Variants in FAT3 observed in about 807,000 individuals in gnomAD.
The protein encoded by FAT3 is protocadherin Fat 3.
A neutral mutation model predicts 310.2 loss-of-function variants in FAT3; 95 were observed. The observed-to-expected ratio is 0.31, with a 90% CI of 0.26 to 0.36. The LOEUF (loss-of-function observed/expected upper bound fraction) is 0.36, where lower values mean the gene tolerates loss of function less well. FAT3 is among the 10% of genes least tolerant of loss of function. FAT3 has a pLI of 1.00. For missense variants in FAT3, 5,408 were observed against 5,715.6 expected (o/e 0.95, Z 1.74); for synonymous variants, 2,314 against 2,192.9 (o/e 1.06, Z -1.54).
chr11:92,440,386 C>T (rs1011782488), intron 2 of FAT3, among the ~76,000 whole-genome samples: 1 of 152,162 alleles, frequency 6.6e-6, no homozygotes, highest in South Asian at 2.1e-4. Flanking sequence ...GCAGATTTAT[C>T]CCAACCAAGG....
At chr11:92,533,214 A>T (rs1954139036) in intron 3 of FAT3, among the ~76,000 whole-genome samples, 1 of 151,836 alleles carries the variant, frequency 6.6e-6, no homozygotes, top group Non-Finnish European at 1.5e-5. Flanking sequence ...TTATTTTAGA[A>T]ATGGGGTCTC....
intron 1 of FAT3, chr11:92,336,177 G>A: frequency 1.8e-6 from 1 of 563,324 alleles, no homozygotes. Flanking sequence ...AGGCAGATAG[G>A]CCACAAAGGT....
In FAT3 at chr11:92,883,904, A is replaced by G. The variant is rs1949737512; in HGVS notation, c.12937+511A>G. The stretch of plus-strand genomic sequence containing the variant: ...TTGAGAGAAGCAGAGGGACACTTCA[A>G]TTGGACCATGATGAGTTAAAGAGTC... On this transcript the variant is annotated intron_variant, in intron 24 of 27. Transcript: ENST00000525166. This position sits in a 1 kb window ranked among gnomAD's most constrained non-coding sequence, Gnocchi z 4.2. Among the ~76,000 whole-genome samples, 3 of 152,210 alleles carry G rather than the reference A, an allele frequency of 2.0e-5. No homozygotes were observed. The South Asian group carries it at 6.2e-4, about 32-fold the overall frequency.
At chr11:92,562,598 A>C (rs1345893326) in intron 3 of FAT3, among the ~76,000 whole-genome samples, 8 of 152,194 alleles carry the variant, frequency 5.3e-5, no homozygotes, top group African/African-American at 1.9e-4. Flanking sequence ...GTCCCATGAT[A>C]TGCTATCTGC....
chr11:92,306,746 T>TA (rs1194208814), intron 1 of FAT3, among the ~76,000 whole-genome samples: 4 of 120,882 alleles, frequency 3.3e-5, no homozygotes, highest in African/African-American at 9.5e-5. Flanking sequence ...TATATATAAA[T>TA]ATATATAAAT....
chr11:92,303,647 T>C (rs1467119992), intron 1 of FAT3, among the ~76,000 whole-genome samples: 1 of 152,128 alleles, frequency 6.6e-6, no homozygotes, highest in Non-Finnish European at 1.5e-5. Context: ...TTAAGAGCAA[T>C]AAATGTATTG....
At chr11:92,314,747 C>T (rs1306952135) in intron 1 of FAT3, among the ~76,000 whole-genome samples, 1 of 152,190 alleles carries the variant, frequency 6.6e-6, no homozygotes, top group Non-Finnish European at 1.5e-5. Flanking sequence ...TGTCCTAAGG[C>T]TCGTTTTTAG....
At position 92,329,046 on chromosome 11, in the gene FAT3, A is replaced by G. The variant is rs374900169; in HGVS notation, c.-17-23050A>G. ...ATAAAATATACTATCTTTCTCTTTC[A>G]CTATTCTAATCCCTCTTCTTTTATT... On this transcript the variant is annotated intron_variant, in intron 1 of 27. Transcript: ENST00000525166. 5.3e-5 allele frequency among the ~76,000 whole-genome samples: 8 copies of G among 152,098 alleles called. No individual in the cohort carries two copies. In the East Asian group the frequency reaches 1.5e-3, roughly 29 times the overall value.
chr11:92,466,660 C>G (rs1361526000), intron 2 of FAT3, among the ~76,000 whole-genome samples: 2 of 150,892 alleles, frequency 1.3e-5, no homozygotes, highest in Non-Finnish European at 2.9e-5. Flanking sequence ...TATACATGTG[C>G]CATGCTGGTG....
intron 1 of FAT3, among the ~76,000 whole-genome samples, chr11:92,347,016 A>AT (rs1394436611): frequency 6.6e-6 from 1 of 152,150 alleles, no homozygotes; most frequent in Non-Finnish European, 1.5e-5. Context: ...TGTTTTAAGT[A>AT]TTTTCCATTT....
chr11:92,894,638 A>C lies in FAT3; in HGVS notation c.*3525A>C, dbSNP rs996717746. Reference sequence around the variant, plus strand: ...GAGTAATAAAAGGTGAATAAAATGCATGCTTCATTTATTCCCTTTCCTCTA... The same window carrying C: ...GAGTAATAAAAGGTGAATAAAATGCCTGCTTCATTTATTCCCTTTCCTCTA... On this transcript the variant is annotated 3_prime_UTR_variant, in exon 28 of 28. Transcript: ENST00000525166. The C allele has an allele frequency of 6.6e-6, 1 of 152,196 alleles. No individual in the cohort carries two copies. The highest frequency in any genetic ancestry group is 1.5e-5 in the Non-Finnish European group (1 of 68,038). The allele number at this position is 152,196 out of a possible 1,614,324, so 9.4% of individuals were successfully genotyped here.
intron 2 of FAT3, among the ~76,000 whole-genome samples, chr11:92,367,483 A>G (rs752496938): frequency 3.6e-4 from 55 of 152,290 alleles, no homozygotes; most frequent in Non-Finnish European, 3.5e-4. Flanking sequence ...TAAGGTGGGC[A>G]TGGTGGCACA....
chr11:92,776,943 C>T (rs971045597), intron 7 of FAT3, among the ~76,000 whole-genome samples: 2 of 152,192 alleles, frequency 1.3e-5, no homozygotes, highest in African/African-American at 4.8e-5. Context: ...ACACTTACCA[C>T]GGCTTTCCCA....
At chr11:92,244,875 G>A (rs747779949) in intron 1 of FAT3, among the ~76,000 whole-genome samples, 8 of 152,082 alleles carry the variant, frequency 5.3e-5, no homozygotes, top group African/African-American at 9.7e-5. Context: ...AAATAGGAAC[G>A]CTTTTACACT....
chr11:92,750,497 T>C (rs1444023997), intron 4 of FAT3, among the ~76,000 whole-genome samples: 6 of 152,190 alleles, frequency 3.9e-5, no homozygotes, highest in Non-Finnish European at 8.8e-5. Flanking sequence ...CAGAGGAGCT[T>C]GGCTTTATAG....
intron 1 of FAT3, among the ~76,000 whole-genome samples, chr11:92,346,551 T>C (rs1477238947): frequency 2.6e-5 from 4 of 152,164 alleles, no homozygotes; most frequent in African/African-American, 9.7e-5. Flanking sequence ...TTACCTCAGT[T>C]TTACTCGTTT....
intron 21 of FAT3, among the ~76,000 whole-genome samples, chr11:92,864,622 C>G (rs1949194005): frequency 6.6e-6 from 1 of 152,112 alleles, no homozygotes; most frequent in African/African-American, 2.4e-5. Flanking sequence ...TCAAGACCAT[C>G]CTGGCCAACC....
rs573479797 is a variant in FAT3, at chr11:92,644,816, A to G, written c.3608-52568A>G. The stretch of plus-strand genomic sequence containing the variant: ...AAGCGGCTGCCACATCGCATCTCAC[A>G]GAGAATCCTTTCTCTAACATGCGTG... On this transcript the variant is annotated intron_variant, in intron 3 of 27. Transcript: ENST00000525166. Among the ~76,000 whole-genome samples the G allele has an allele frequency of 7.9e-5, 12 of 152,330 alleles. No individual in the cohort carries two copies. In the East Asian group the frequency reaches 2.3e-3, roughly 30 times the overall value.
intron 4 of FAT3, among the ~76,000 whole-genome samples, chr11:92,754,034 A>G (rs1221785613): frequency 6.6e-6 from 1 of 151,982 alleles, no homozygotes; most frequent in Non-Finnish European, 1.5e-5. Context: ...GGTGCAATGT[A>G]TACTGCTCAG....
Sources: gnomAD v4.1 joint callset for allele counts (sites outside exome capture counted in the v4.1 genomes callset) on GRCh38, gnomAD v4.1.1 for gene constraint, Gnocchi (gnomAD v3.1) non-coding constraint, MANE v1.5 for transcripts, NCBI Gene and HGNC (gene_info 2026-07-23, HGNC 2026-07-21) for gene names.